The following FOSL2 variants were observed in gnomAD, a reference collection of about 807,000 sequenced individuals.
FOSL2 encodes the protein FOS like 2, AP-1 transcription factor subunit.
FOSL2 carries 3 observed loss-of-function variants against 27.7 expected under a neutral mutation model. The observed-to-expected ratio is 0.11, with a 90% CI of 0.05 to 0.28. The LOEUF (loss-of-function observed/expected upper bound fraction) is 0.28, where lower values mean the gene tolerates loss of function less well. Ranked by LOEUF, FOSL2 falls within the 10% of genes least tolerant of loss-of-function variation. The pLI, the probability that FOSL2 is intolerant of heterozygous loss-of-function variation, is 1.00. For synonymous variants in FOSL2, 179 were observed against 190.1 expected (o/e 0.94, Z 0.48); for missense variants, 333 against 445.1 (o/e 0.75, Z 2.27).
chr2:28,404,152 A>T lies in FOSL2; in HGVS notation c.148A>T (p.Thr50Ser), dbSNP rs1188984583. The T allele has an allele frequency of 1.2e-6, 2 of 1,614,166 alleles. No homozygotes were observed. Among genetic ancestry groups the T allele is most frequent in the Non-Finnish European group, 1.7e-6 (2 of 1,180,020 alleles). The part of the protein sequence containing the change: ...MPGSGSAFIP[T>S]INAITTSQDL... ...TGGCTCAGGCAGTGCATTCATCCCC[A>T]CCATCAACGCCATCACGACCAGCCA... The change falls in exon 2 of 4, where the codon ACC (threonine) becomes TCC (serine). Residue 50 changes from threonine (T) to serine (S), a missense_variant. By Grantham distance (58) the Thr-to-Ser change is moderately conservative (BLOSUM62 1). Coordinates refer to ENST00000264716, the MANE Select transcript of FOSL2 (RefSeq NM_005253.4). The surrounding 1 kb of genome is among the most constrained non-coding windows in gnomAD (Gnocchi z 4.7).
At chr2:28,395,796 G>A (rs1663820608) in intron 1 of FOSL2, 3 of 152,222 alleles carry the variant, frequency 2.0e-5, no homozygotes, top group Admixed American at 2.0e-4. Flanking sequence ...CTTGAGACAA[G>A]TTTCTTGGCC....
chr2:28,396,133 C>G (rs1352989195), intron 1 of FOSL2, among the ~76,000 whole-genome samples: 1 of 152,132 alleles, frequency 6.6e-6, no homozygotes, highest in African/African-American at 2.4e-5. Flanking sequence ...TGGTTTTTCT[C>G]TGGGGAAGTG....
At chr2:28,396,367 C>T (rs1406811043) in intron 1 of FOSL2, among the ~76,000 whole-genome samples, 2 of 152,108 alleles carry the variant, frequency 1.3e-5, no homozygotes, top group South Asian at 2.1e-4. Context: ...AAAAATATTT[C>T]CTGTTCCAGT....
rs1664131025 is a variant in FOSL2, at chr2:28,408,612, C to G, written c.355-147C>G. The G allele has an allele frequency of 1.8e-6, 1 of 561,250 alleles. No homozygotes were observed. Among genetic ancestry groups the G allele is most frequent in the Admixed American group, 3.9e-5 (1 of 25,776 alleles). The allele number at this position is 561,250 out of a possible 1,614,324, so 34.8% of individuals were successfully genotyped here. A position where few individuals can be genotyped will look rare whatever the true frequency, so the allele number is the denominator to read the frequency against. On this transcript the variant is annotated intron_variant, in intron 2 of 3. Transcript: ENST00000264716. This position sits in a 1 kb window ranked among gnomAD's most constrained non-coding sequence, Gnocchi z 4.1. ...ATCAGGGATCCACATGTTCTGGGGC[C>G]TCTGAGTCCAGCCATGCTCCTCTTG...
rs1351965769 is a variant in FOSL2, at chr2:28,400,819, G to A, written c.103-3288G>A. On this transcript the variant is annotated intron_variant, in intron 1 of 3. Coordinates refer to ENST00000264716, the MANE Select transcript of FOSL2 (RefSeq NM_005253.4). ...GGGTGGACTAGAGGGCCTCAGAGGGGCTAATAGGCATCCACTTATTCTGAA... is the reference window on the plus strand; with the variant it reads ...GGGTGGACTAGAGGGCCTCAGAGGGACTAATAGGCATCCACTTATTCTGAA... Among the ~76,000 whole-genome samples the A allele has an allele frequency of 3.9e-5, 6 of 152,290 alleles. No homozygotes were observed. In the East Asian group the frequency reaches 7.7e-4, roughly 20 times the overall value.
intron 1 of FOSL2, among the ~76,000 whole-genome samples, chr2:28,400,356 G>T (rs929095014): frequency 6.6e-6 from 1 of 152,198 alleles, no homozygotes; most frequent in Non-Finnish European, 1.5e-5. Context: ...TGGCATAGAA[G>T]AATGCTAGGC....
In FOSL2 at chr2:28,401,597, C is replaced by T. The variant is rs563212198; in HGVS notation, c.103-2510C>T. ...ATCCAGCAGCTCAGGAAAAAAATAG[C>T]TGTCTGGGACTTGGTGCTTCTACAC... On this transcript the variant is annotated intron_variant, in intron 1 of 3. Coordinates refer to ENST00000264716, the MANE Select transcript of FOSL2 (RefSeq NM_005253.4). Among the ~76,000 whole-genome samples, 4 of 152,306 alleles carry T rather than the reference C, an allele frequency of 2.6e-5. No homozygotes were observed. In the South Asian group the frequency reaches 8.3e-4, roughly 32 times the overall value.
intron 2 of FOSL2, among the ~76,000 whole-genome samples, chr2:28,406,801 TCCCCAGCCTC>T (rs1207274911): frequency 1.3e-5 from 2 of 151,960 alleles, no homozygotes; most frequent in Non-Finnish European, 2.9e-5. Context: ...ACTCCGGCCG[TCCCCAGCCTC>T]CCCCAGCCTC....
At chr2:28,409,106 C>A (rs1664141014) in intron 3 of FOSL2, among the ~76,000 whole-genome samples, 1 of 152,182 alleles carries the variant, frequency 6.6e-6, no homozygotes, top group Non-Finnish European at 1.5e-5. Context: ...AAATGAACAA[C>A]CTTCTGTGGG....
At chr2:28,397,678 T>C (rs1663882790) in intron 1 of FOSL2, among the ~76,000 whole-genome samples, 1 of 152,190 alleles carries the variant, frequency 6.6e-6, no homozygotes, top group Admixed American at 6.5e-5. Flanking sequence ...TCTATCTTAA[T>C]ACAAACACAG....
chr2:28,396,839 A>ACACACACACACACACAC (rs1558564686), intron 1 of FOSL2: 2 of 75,178 alleles, frequency 2.7e-5, no homozygotes, highest in Admixed American at 1.4e-4. Context: ...CACACACACA[A>ACACACACACACACACAC]AATTCCCCAG....
chr2:28,400,612 A>T (rs1200670217), intron 1 of FOSL2, among the ~76,000 whole-genome samples: 1 of 152,124 alleles, frequency 6.6e-6, no homozygotes, highest in Admixed American at 6.5e-5. Flanking sequence ...GTTTAGAGCC[A>T]GTGTATTATC....
intron 1 of FOSL2, among the ~76,000 whole-genome samples, chr2:28,402,484 ATGT>A (rs1663993231): frequency 6.6e-6 from 1 of 152,264 alleles, no homozygotes; most frequent in African/African-American, 2.4e-5. Flanking sequence ...AGGAACCCTG[ATGT>A]TGTGACAAGG....
chr2:28,407,019 C>G (rs959591287), intron 2 of FOSL2, among the ~76,000 whole-genome samples: 1 of 152,184 alleles, frequency 6.6e-6, no homozygotes, highest in Non-Finnish European at 1.5e-5. Flanking sequence ...TGAACACTTC[C>G]TATGTTGACA....
Position 28,412,552 on chromosome 2 carries a change from A to T in FOSL2, c.*104A>T. ...CCAGGGCCGTGAGGGCAAGAGGGGG[A>T]CCTGCCACCAGGGAGCTTCCTGGCT... On this transcript the variant is annotated 3_prime_UTR_variant, in exon 4 of 4. Transcript: ENST00000264716. The surrounding 1 kb of genome is among the most constrained non-coding windows in gnomAD (Gnocchi z 7.1). 1 of 1,360,778 alleles carries T rather than the reference A, an allele frequency of 7.3e-7. No homozygotes were observed. Among genetic ancestry groups the T allele is most frequent in the Non-Finnish European group, 9.9e-7 (1 of 1,006,910 alleles). 84.3% of individuals were successfully genotyped at this position (1,360,778 alleles called of 1,614,324 possible).
intron 1 of FOSL2, chr2:28,396,961 C>G (rs1426846244): frequency 6.6e-6 from 1 of 152,110 alleles, no homozygotes; most frequent in African/African-American, 2.4e-5. Flanking sequence ...CTAGTGCCCT[C>G]TACGGGAAAT....
chr2:28,401,238 TAAA>T (rs11377007), intron 1 of FOSL2, among the ~76,000 whole-genome samples: 3 of 141,728 alleles, frequency 2.1e-5, no homozygotes, highest in African/African-American at 2.6e-5. Flanking sequence ...CTTGGGGGTT[TAAA>T]AAAAAAAAAA....
chr2:28,395,948 A>G (rs1663824457), intron 1 of FOSL2, among the ~76,000 whole-genome samples: 1 of 152,132 alleles, frequency 6.6e-6, no homozygotes, highest in South Asian at 2.1e-4. Flanking sequence ...TCACAAGTCT[A>G]TGCTATGACC....
intron 1 of FOSL2, among the ~76,000 whole-genome samples, chr2:28,395,080 G>T (rs907654046): frequency 6.6e-6 from 1 of 152,172 alleles, no homozygotes; most frequent in Non-Finnish European, 1.5e-5. Context: ...GCCTCCCATG[G>T]TGCTCCTATA....
Sources: allele counts gnomAD v4.1 joint callset (sites outside exome capture counted in the v4.1 genomes callset), GRCh38; gene constraint gnomAD v4.1.1; non-coding constraint Gnocchi (gnomAD v3.1); transcripts MANE v1.5; gene names NCBI Gene and HGNC (gene_info 2026-07-23, HGNC 2026-07-21).